Variants in MBNL1 observed in about 807,000 individuals in gnomAD.
The protein encoded by MBNL1 is muscleblind like splicing regulator 1, also known as muscleblind-like protein 1.
A neutral mutation model predicts 42.2 loss-of-function variants in MBNL1; 8 were observed. The ratio of observed to expected loss-of-function variants is 0.19; its 90% CI spans 0.11 to 0.34. MBNL1 has a LOEUF of 0.34. Ranked by LOEUF, MBNL1 falls within the 10% of genes least tolerant of loss-of-function variation. MBNL1 has a pLI of 1.00. For synonymous variants in MBNL1, 169 were observed against 173.9 expected, an observed-to-expected ratio of 0.97 and a Z score of 0.22; for missense variants, 309 against 495.3, an observed-to-expected ratio of 0.62 and a Z score of 3.57.
intron 4 of MBNL1, among the ~76,000 whole-genome samples, chr3:152,439,197 TACAC>T (rs1293376226): frequency 6.6e-6 from 1 of 152,216 alleles, no homozygotes; most frequent in Non-Finnish European, 1.5e-5. Context: ...TTCCATTACT[TACAC>T]AGAAGAATCT....
At chr3:152,304,937 C>T (rs1425190877) in intron 2 of MBNL1, among the ~76,000 whole-genome samples, 1 of 152,052 alleles carries the variant, frequency 6.6e-6, no homozygotes, top group Admixed American at 6.6e-5. Context: ...AACCATGTTT[C>T]GAATCAAGCT....
At chr3:152,280,515 G>A (rs918566349) in intron 1 of MBNL1, among the ~76,000 whole-genome samples, 1 of 152,094 alleles carries the variant, frequency 6.6e-6, no homozygotes, top group Non-Finnish European at 1.5e-5. Flanking sequence ...TTTGGAGAAA[G>A]GTGGGCACAT....
At chr3:152,293,644 A>G (rs2057200363) in intron 1 of MBNL1, among the ~76,000 whole-genome samples, 1 of 152,192 alleles carries the variant, frequency 6.6e-6, no homozygotes, top group East Asian at 1.9e-4. Flanking sequence ...CAAAAATCAT[A>G]ATAAACGACC....
intron 2 of MBNL1, among the ~76,000 whole-genome samples, chr3:152,382,400 A>T (rs2097214414): frequency 6.6e-6 from 1 of 152,098 alleles, no homozygotes; most frequent in Non-Finnish European, 1.5e-5. Context: ...TTTTAAAGGG[A>T]CAAAAGCTGG....
intron 4 of MBNL1, among the ~76,000 whole-genome samples, chr3:152,436,564 A>G (rs995746634): frequency 6.6e-6 from 1 of 152,204 alleles, no homozygotes; most frequent in Non-Finnish European, 1.5e-5. Flanking sequence ...TTCTTAATGC[A>G]TAATTGTTGA....
At chr3:152,423,863 CT>C (rs2098846378) in intron 3 of MBNL1, among the ~76,000 whole-genome samples, 1 of 152,134 alleles carries the variant, frequency 6.6e-6, no homozygotes, top group South Asian at 2.1e-4. Flanking sequence ...GCAGAAAAGG[CT>C]TTTAATAAAA....
At chr3:152,351,463 T>A (rs2094978174) in intron 2 of MBNL1, among the ~76,000 whole-genome samples, 1 of 145,966 alleles carries the variant, frequency 6.9e-6, no homozygotes. Flanking sequence ...TGTTAGTGTT[T>A]GTTTTATGGT....
chr3:152,375,663 C>CA (rs1298673392), intron 2 of MBNL1, among the ~76,000 whole-genome samples: 1 of 151,870 alleles, frequency 6.6e-6, no homozygotes, highest in Non-Finnish European at 1.5e-5. Flanking sequence ...ACAAACAAAA[C>CA]AAAAAAGTTA....
intron 2 of MBNL1, among the ~76,000 whole-genome samples, chr3:152,407,073 T>TGTGTGTGTGTGTGTGTGTGTGTG (rs57861310): frequency 8.1e-5 from 12 of 148,922 alleles, no homozygotes; most frequent in South Asian, 4.3e-4. Context: ...GTGTGTGTGT[T>TGTGTGTGTGTGTGTGTGTGTGTG]TGTGTGAACT....
chr3:152,302,989 G>C (rs1303923531), intron 2 of MBNL1, among the ~76,000 whole-genome samples: 2 of 149,608 alleles, frequency 1.3e-5, no homozygotes, highest in African/African-American at 4.9e-5. Flanking sequence ...GTTAATAGCA[G>C]ACTTCTAGTT....
chr3:152,301,869 T>TAACCCTGTTTTG (rs985171782), intron 2 of MBNL1: 5 of 152,194 alleles, frequency 3.3e-5, no homozygotes, highest in Non-Finnish European at 1.5e-5. Context: ...TGGCCATAAG[T>TAACCCTGTTTTG]AACCCTGTTT....
chr3:152,457,772 C>T (rs556466763), intron 8 of MBNL1: 65 of 210,172 alleles, frequency 3.1e-4, no homozygotes, highest in Non-Finnish European at 5.3e-4. Flanking sequence ...CATGCGTCTA[C>T]CATGTATGAC....
intron 1 of MBNL1, among the ~76,000 whole-genome samples, chr3:152,277,662 A>T (rs2046055198): frequency 6.6e-6 from 1 of 152,160 alleles, no homozygotes; most frequent in Non-Finnish European, 1.5e-5. Flanking sequence ...TTATTGGAAT[A>T]CTTACATGTC....
intron 2 of MBNL1, among the ~76,000 whole-genome samples, chr3:152,385,921 A>G (rs1450424444): frequency 6.6e-6 from 1 of 152,026 alleles, no homozygotes; most frequent in Admixed American, 6.6e-5. Context: ...ATCTGGCTGA[A>G]GTCTATCCCA....
At chr3:152,276,699 T>A (rs1374264087) in intron 1 of MBNL1, among the ~76,000 whole-genome samples, 1 of 152,104 alleles carries the variant, frequency 6.6e-6, no homozygotes, top group Non-Finnish European at 1.5e-5. Context: ...CAAGGGAGAT[T>A]GGTGCTACAC....
intron 2 of MBNL1, among the ~76,000 whole-genome samples, chr3:152,376,783 C>G (rs1346907670): frequency 6.6e-6 from 1 of 151,992 alleles, no homozygotes; most frequent in African/African-American, 2.4e-5. Context: ...TATATATATA[C>G]GCACACACAC....
chr3:152,346,522 C>CG, intron 2 of MBNL1, among the ~76,000 whole-genome samples: 1 of 152,102 alleles, frequency 6.6e-6, no homozygotes, highest in African/African-American at 2.4e-5. Context: ...AATCTGATTA[C>CG]TGACTAGATA....
rs375217200 is a variant in MBNL1 at position 152,383,346 on chromosome 3, G to A, written c.175-31595G>A. On this transcript the variant is annotated intron_variant, in intron 2 of 9. Coordinates refer to ENST00000324210, the MANE Select transcript of MBNL1 (RefSeq NM_021038.5). Reference sequence around the variant, plus strand: ...GCCCTGAAATGTTATGTAATTTCACGTGTACAGTTTTCTGGAGAGTGAGTC... The same window carrying A: ...GCCCTGAAATGTTATGTAATTTCACATGTACAGTTTTCTGGAGAGTGAGTC... Among the ~76,000 whole-genome samples, 13 of 152,032 alleles carry A rather than the reference G, an allele frequency of 8.6e-5. No individual in the cohort carries two copies. The South Asian group carries it at 1.2e-3, about 15-fold the overall frequency.
intron 1 of MBNL1, among the ~76,000 whole-genome samples, chr3:152,283,608 T>C (rs1174328297): frequency 6.6e-6 from 1 of 152,212 alleles, no homozygotes; most frequent in Non-Finnish European, 1.5e-5. Flanking sequence ...ACTCTGCCCT[T>C]GGGTGAAGTC....
Sources: allele counts gnomAD v4.1 joint callset (sites outside exome capture counted in the v4.1 genomes callset), GRCh38; gene constraint gnomAD v4.1.1; transcripts MANE v1.5; gene names NCBI Gene and HGNC (gene_info 2026-07-23, HGNC 2026-07-21).